The following KANSL1 variants were observed in gnomAD, a reference collection of about 807,000 sequenced individuals.
KANSL1 encodes MLL1/MLL complex subunit KANSL1.
In KANSL1, 22 loss-of-function variants were observed where a neutral mutation model predicts 103.6. That is an observed-to-expected ratio of 0.21 (90% confidence interval 0.15 to 0.30). The LOEUF is 0.30. Ranked by LOEUF, KANSL1 falls within the 10% of genes least tolerant of loss-of-function variation. The pLI, the probability that KANSL1 is intolerant of heterozygous loss-of-function variation, is 1.00. For missense variants in KANSL1, 1,337 were observed against 1,399.8 expected (o/e 0.96, Z 0.72); for synonymous variants, 600 against 527.6 (o/e 1.14, Z -1.88).
chr17:46,192,144 A>G (rs111394655), intron 1 of KANSL1, among the ~76,000 whole-genome samples: 17,115 of 150,186 alleles, frequency 0.11, no homozygotes, highest in Non-Finnish European at 0.17. Flanking sequence ...CCAACATTGG[A>G]AAACGAGGAT....
intron 2 of KANSL1, among the ~76,000 whole-genome samples, chr17:46,097,390 C>T (rs1266931732): frequency 6.6e-6 from 1 of 152,024 alleles, no homozygotes; most frequent in Non-Finnish European, 1.5e-5. Context: ...AAAAGCTGCA[C>T]AAAAATAAAC....
intron 4 of KANSL1, among the ~76,000 whole-genome samples, chr17:46,076,080 T>C (rs1288418248): frequency 6.6e-6 from 1 of 152,242 alleles, no homozygotes; most frequent in Non-Finnish European, 1.5e-5. Context: ...TAACTTTCAT[T>C]ATCTATCAAA....
chr17:46,080,222 TAAAC>T (rs772667086), intron 4 of KANSL1, among the ~76,000 whole-genome samples: 8 of 134,594 alleles, frequency 5.9e-5, no homozygotes, highest in Non-Finnish European at 9.2e-5. Context: ...TTTTGGGTAA[TAAAC>T]AAGCACAGTC....
At chr17:46,125,267 T>C (rs1301318727) in intron 2 of KANSL1, among the ~76,000 whole-genome samples, 1 of 152,192 alleles carries the variant, frequency 6.6e-6, no homozygotes, top group Admixed American at 6.5e-5. Context: ...GTATTTCTTT[T>C]AGCAATAAAT....
upstream of KANSL1, among the ~76,000 whole-genome samples, chr17:46,198,066 T>C (rs2047671848): frequency 6.6e-6 from 1 of 152,198 alleles, no homozygotes; most frequent in Non-Finnish European, 1.5e-5. Context: ...TTTGGTTACT[T>C]ACCTAGGACC....
chr17:46,214,655 C>CAA (rs35634348), intron 1 of KANSL1, among the ~76,000 whole-genome samples: 5 of 147,890 alleles, frequency 3.4e-5, no homozygotes, highest in Non-Finnish European at 7.5e-5. Context: ...AATTCCGTCT[C>CAA]AAAAAAAAAA....
rs139615350 is a variant in KANSL1, at chr17:46,033,409, A to C, written c.2718T>G (p.Asn906Lys). ...QSLKGSPDEE[N>K]EEIEDLSDAA... ...AGAAGAACCAGGCCATTACCTCTTC[A>C]TTCTCCTCATCAGGACTCCCCTTCA... is the stretch of plus-strand genomic sequence containing the variant. Residue 906 changes from asparagine to lysine, a missense_variant, in exon 12 of 15, where the codon AAT becomes AAG. By Grantham distance (94) the Asn-to-Lys change is moderately conservative. Transcript: ENST00000432791. The C allele has an allele frequency of 2.0e-4, 317 of 1,614,020 alleles. No homozygotes were observed. In the African/African-American group the frequency reaches 3.8e-3, roughly 20 times the overall value.
intron 1 of KANSL1, among the ~76,000 whole-genome samples, chr17:46,176,585 G>C (rs2532258): frequency 1.3e-5 from 2 of 151,910 alleles, no homozygotes; most frequent in Non-Finnish European, 2.9e-5. Flanking sequence ...CAGCTACCTG[G>C]GAGGCTGAGA....
intron 5 of KANSL1, among the ~76,000 whole-genome samples, chr17:46,067,327 C>CT: frequency 6.6e-6 from 1 of 152,288 alleles, no homozygotes; most frequent in East Asian, 1.9e-4. Context: ...ACTGTAGTGT[C>CT]TTTTATTTTA....
intron 1 of KANSL1, among the ~76,000 whole-genome samples, chr17:46,200,382 G>A (rs1203012410): frequency 6.6e-6 from 1 of 152,210 alleles, no homozygotes; most frequent in East Asian, 1.9e-4. Flanking sequence ...ACAAAAGTGA[G>A]TCAGAAGGGA....
Position 46,171,294 on chromosome 17 carries a change from T to C in KANSL1, c.850A>G (p.Ile284Val), listed in dbSNP as rs766991003. 11 of 1,614,056 alleles carry C rather than the reference T, an allele frequency of 6.8e-6. No individual in the cohort carries two copies. Among genetic ancestry groups the C allele is most frequent in the Non-Finnish European group, 9.3e-6 (11 of 1,180,058 alleles). The change falls in exon 2 of 15, where the codon ATA becomes GTA. Residue 284 changes from isoleucine (I) to valine (V), a missense_variant. Coordinates refer to ENST00000432791, the MANE Select transcript of KANSL1 (RefSeq NM_015443.4). ...GCCTGTCGCCGCAGTAAAGCTGTTATCCTTGTGTCAGAATCTAAAGCACTG... is the reference window on the plus strand; with the variant it reads ...GCCTGTCGCCGCAGTAAAGCTGTTACCCTTGTGTCAGAATCTAAAGCACTG... ...LFSALDSDTR[I>V]TALLRRQADI... is the part of the protein sequence containing the mutation.
intron 1 of KANSL1, among the ~76,000 whole-genome samples, chr17:46,220,787 A>G (rs1038559139): frequency 5.9e-5 from 9 of 151,702 alleles, no homozygotes; most frequent in Non-Finnish European, 8.8e-5. Context: ...CCCGGGCTCA[A>G]GCAATTCTCC....
At chr17:46,169,465 G>A (rs944685645) in intron 2 of KANSL1, 1 of 152,188 alleles carries the variant, frequency 6.6e-6, no homozygotes, top group East Asian at 1.9e-4. Flanking sequence ...TGGGAAACCA[G>A]AAAATTTACT....
intron 1 of KANSL1, among the ~76,000 whole-genome samples, chr17:46,206,853 G>A (rs2047984937): frequency 6.6e-6 from 1 of 151,592 alleles, no homozygotes; most frequent in African/African-American, 2.4e-5. Flanking sequence ...GTACATTAAA[G>A]GACACCATCA....
In KANSL1 at chr17:46,193,119, G is replaced by C. The variant is rs957718067; in HGVS notation, c.-386C>G. On this transcript the variant is annotated 5_prime_UTR_variant, in exon 1 of 15. Coordinates refer to ENST00000432791, the MANE Select transcript of KANSL1 (RefSeq NM_015443.4). ...CCGACGGGGCCCGAGCACGGCTGGA[G>C]ACCGCAGCCCGGCCGGGAGGGCGGG... 6.6e-6 allele frequency: 1 copy of C among 152,348 alleles called. No homozygotes were observed. Among genetic ancestry groups the C allele is most frequent in the East Asian group, 2.0e-4 (1 of 5,116 alleles). 9.4% of individuals were successfully genotyped at this position (152,348 alleles called of 1,614,324 possible).
chr17:46,096,218 T>C (rs1053599327), intron 2 of KANSL1, among the ~76,000 whole-genome samples: 19 of 150,890 alleles, frequency 1.3e-4, no homozygotes, highest in Non-Finnish European at 5.9e-5. Context: ...CACAGCTCAC[T>C]GTAACCTAGA....
chr17:46,044,664 G>C (rs894615995), intron 7 of KANSL1: 2 of 152,150 alleles, frequency 1.3e-5, no homozygotes, highest in African/African-American at 4.8e-5. Context: ...CTTCCTGCTG[G>C]AATACTAACA....
chr17:46,075,919 C>T (rs977661275), intron 4 of KANSL1, among the ~76,000 whole-genome samples: 1 of 152,162 alleles, frequency 6.6e-6, no homozygotes, highest in Non-Finnish European at 1.5e-5. Flanking sequence ...GTCCATCCTT[C>T]CCTAGGAAAC....
intron 2 of KANSL1, among the ~76,000 whole-genome samples, chr17:46,112,612 G>GAGGCAGAGGTTGT (rs199747164): frequency 0.026 from 3,899 of 152,050 alleles, 173 homozygotes; most frequent in African/African-American, 0.09. Context: ...TTGAACCTGG[G>GAGGCAGAGGTTGT]AGGCAGAGGT....
Sources: allele counts gnomAD v4.1 joint callset (sites outside exome capture counted in the v4.1 genomes callset), GRCh38; gene constraint gnomAD v4.1.1; transcripts MANE v1.5; gene names NCBI Gene and HGNC (gene_info 2026-07-23, HGNC 2026-07-21).